Variants in ZNF92 observed in about 807,000 individuals in gnomAD.
The protein encoded by ZNF92 is epididymis luminal protein 203.
ZNF92 carries 11 observed loss-of-function variants against 12.4 expected under a neutral mutation model. That is an observed-to-expected ratio of 0.89 (90% CI 0.56 to 1.47). ZNF92 has a LOEUF of 1.47. Among genes scored for constraint, ZNF92 ranks in the 40% most tolerant of loss-of-function variants. ZNF92 has a pLI of 0.00. For missense variants in ZNF92, 622 were observed against 681.0 expected, an observed-to-expected ratio of 0.91 and a Z score of 0.96; for synonymous variants, 206 against 228.6, an observed-to-expected ratio of 0.90 and a Z score of 0.89.
In ZNF92 at chr7:65,399,418, G is replaced by C; in HGVS notation, c.1304G>C (p.Ser435Thr). ...TGTGAAAAATGTGGCAAGGCCTTTAGCTGGTCCTCAGCTTTTACTAAACAT... is the reference window on the plus strand; with the variant it reads ...TGTGAAAAATGTGGCAAGGCCTTTACCTGGTCCTCAGCTTTTACTAAACAT... ...YKCEKCGKAF[S>T]WSSAFTKHKR... The change falls in exon 4 of 4, where the codon AGC becomes ACC. Residue 435 changes from serine (S) to threonine (T), a missense_variant. By Grantham distance (58) the Ser-to-Thr change is moderately conservative (BLOSUM62 1). Coordinates refer to ENST00000328747, the MANE Select transcript of ZNF92 (RefSeq NM_152626.4). The C allele has an allele frequency of 6.2e-7, 1 of 1,606,864 alleles. No individual in the cohort carries two copies. Among genetic ancestry groups the C allele is most frequent in the Non-Finnish European group, 8.5e-7 (1 of 1,177,866 alleles).
At chr7:65,388,078 C>A (rs752025118) in intron 2 of ZNF92, 50 bp downstream of exon 2, 1 of 1,535,238 alleles carries the variant, frequency 6.5e-7, no homozygotes, top group South Asian at 1.2e-5. Context: ...AGTTTCATTT[C>A]TCCTCTTTGT....
chr7:65,398,558 TA>T lies in ZNF92; in HGVS notation c.447del (p.Lys149AsnfsTer3). On this transcript the variant is annotated frameshift_variant, in exon 4 of 4. Transcript: ENST00000328747. LOFTEE classifies it low-confidence loss of function (END_TRUNC). ...CTGACAGCAAGATATTTCAGTGTGA[TA>T]AATATGTGAAAGTCTTTCATAAATT... ...TTDSKIFQCD[K>X]YVKVFHKFPN... The T allele has an allele frequency of 6.2e-7, 1 of 1,609,620 alleles. No homozygotes were observed. Among genetic ancestry groups the T allele is most frequent in the Non-Finnish European group, 8.5e-7 (1 of 1,178,526 alleles).
chr7:65,375,926 G>A (rs1371087343), intron 1 of ZNF92, among the ~76,000 whole-genome samples: 2 of 152,030 alleles, frequency 1.3e-5, no homozygotes, highest in African/African-American at 2.4e-5. Context: ...TCTTCTGAGA[G>A]GGTGGTTATT....
In ZNF92 at chr7:65,399,702, A is replaced by G. The variant is rs1277525847; in HGVS notation, c.1588A>G (p.Ile530Val). 1.9e-6 allele frequency: 3 copies of G among 1,613,320 alleles called. No individual in the cohort carries two copies. Among genetic ancestry groups the G allele is most frequent in the East Asian group, 2.2e-5 (1 of 44,840 alleles). ...QSSNLTARKI[I>V]YTGEKPYKYE... ...CTCAAACCTTACTGCACGTAAGATAATTTATACTGGAGAGAAACCCTACAA... is the reference window on the plus strand; with the variant it reads ...CTCAAACCTTACTGCACGTAAGATAGTTTATACTGGAGAGAAACCCTACAA... The change falls in exon 4 of 4, where the codon ATT becomes GTT. Residue 530 changes from isoleucine (I) to valine (V), a missense_variant. Transcript: ENST00000328747.
In ZNF92 at chr7:65,388,023, T is replaced by G; in HGVS notation, c.125T>G (p.Phe42Cys). 1 of 1,604,656 alleles carries G rather than the reference T, an allele frequency of 6.2e-7. No homozygotes were observed. The highest frequency in any genetic ancestry group is 8.5e-7 in the Non-Finnish European group (1 of 1,175,590). ...TTAGAGAACTACAGAAACCTGGTCT[T>G]CCTTGGTGAGGATAACTTCAATACA... The part of the protein sequence containing the change: ...VMLENYRNLV[F>C]LGIAVSKPDL... The change falls in exon 2 of 4, where the codon TTC (phenylalanine) becomes TGC (cysteine). Residue 42 changes from phenylalanine (F) to cysteine (C), a missense_variant. Phe to Cys is a radical substitution (Grantham distance 205, BLOSUM62 -2). Coordinates refer to ENST00000328747, the MANE Select transcript of ZNF92 (RefSeq NM_152626.4).
At position 65,399,595 on chromosome 7, in the gene ZNF92, C is replaced by T. The variant is rs1482522578; in HGVS notation, c.1481C>T (p.Ser494Leu). Residue 494 changes from serine (S) to leucine (L), a missense_variant, in exon 4 of 4, where the codon TCA becomes TTA. Coordinates refer to ENST00000328747, the MANE Select transcript of ZNF92 (RefSeq NM_152626.4). ...TGTGGCAAAGCCTTTAACCAGTCCT[C>T]AATTTTTACTAAACATAAGATAATT... is the stretch of plus-strand genomic sequence containing the variant. ...EECGKAFNQS[S>L]IFTKHKIIHT... 6.2e-7 allele frequency: 1 copy of T among 1,613,724 alleles called. No homozygotes were observed. The highest frequency in any genetic ancestry group is 8.5e-7 in the Non-Finnish European group (1 of 1,179,816).
chr7:65,379,886 G>A (rs1793357583), intron 1 of ZNF92, among the ~76,000 whole-genome samples: 1 of 152,004 alleles, frequency 6.6e-6, no homozygotes, highest in Admixed American at 6.6e-5. Flanking sequence ...TTTGTTTTTG[G>A]TTCGGGAGTA....
At chr7:65,377,845 G>T (rs759502936) in intron 1 of ZNF92, among the ~76,000 whole-genome samples, 1 of 152,122 alleles carries the variant, frequency 6.6e-6, no homozygotes, top group African/African-American at 2.4e-5. Flanking sequence ...GATTACAGGC[G>T]TGAGCCACTG....
At chr7:65,375,060 G>C (rs527948123) in intron 1 of ZNF92, among the ~76,000 whole-genome samples, 1 of 152,170 alleles carries the variant, frequency 6.6e-6, no homozygotes, top group South Asian at 2.1e-4. Context: ...TAAAAGATTT[G>C]TTTCCTGTTT....
At chr7:65,381,089 C>T (rs1263068903) in intron 1 of ZNF92, among the ~76,000 whole-genome samples, 6 of 152,050 alleles carry the variant, frequency 3.9e-5, no homozygotes, top group Non-Finnish European at 8.8e-5. Context: ...TCTCGGCTCA[C>T]TGCAACCTCC....
At chr7:65,383,695 A>G (rs1310576927) in intron 1 of ZNF92, among the ~76,000 whole-genome samples, 3 of 152,140 alleles carry the variant, frequency 2.0e-5, no homozygotes, top group Non-Finnish European at 4.4e-5. Context: ...AAAAAATGTG[A>G]TACTGGAGTA....
chr7:65,399,145 A>T lies in ZNF92; in HGVS notation c.1031A>T (p.Glu344Val). ...ACTGGGGAAAAACCATACAAATGTG[A>T]AGAATGTGGCAAAGCCTTTAACCAG... ...IHTGEKPYKC[E>V]ECGKAFNQFS... Residue 344 changes from glutamate to valine, a missense_variant, in exon 4 of 4, where the codon GAA becomes GTA. Transcript: ENST00000328747. 1 of 1,613,604 alleles carries T rather than the reference A, an allele frequency of 6.2e-7. No individual in the cohort carries two copies. The highest frequency in any genetic ancestry group is 8.5e-7 in the Non-Finnish European group (1 of 1,179,804).
rs776685581 is a variant in ZNF92, at chr7:65,388,046, A to G, written c.130+18A>G. 4.4e-6 allele frequency: 7 copies of G among 1,577,610 alleles called. No individual in the cohort carries two copies. The highest frequency in any genetic ancestry group is 6.0e-6 in the Non-Finnish European group (7 of 1,166,532). ...CTTCCTTGGTGAGGATAACTTCAAT[A>G]CACAATACACAATGCTCTAAAAGTT... On this transcript the variant is annotated intron_variant, in intron 2 of 3. Transcript: ENST00000328747.
At chr7:65,383,407 CAG>C (rs1316587232) in intron 1 of ZNF92, among the ~76,000 whole-genome samples, 1 of 152,132 alleles carries the variant, frequency 6.6e-6, no homozygotes, top group Non-Finnish European at 1.5e-5. Context: ...ATTTGCAAGA[CAG>C]GAGCAGACTT....
chr7:65,389,602 T>A (rs1436931160), intron 3 of ZNF92, among the ~76,000 whole-genome samples: 1 of 151,936 alleles, frequency 6.6e-6, no homozygotes, highest in African/African-American at 2.4e-5. Flanking sequence ...CAGCAACCTC[T>A]GCCTCCTGGG....
chr7:65,390,795 T>A lies in ZNF92; in HGVS notation c.226+1894T>A, dbSNP rs76069955. 6.4e-3 allele frequency among the ~76,000 whole-genome samples: 976 copies of A among 152,192 alleles called. 19 individuals are homozygous for A. Among genetic ancestry groups the A allele is most frequent in the African/African-American group, 0.022 (929 of 41,516 alleles). On this transcript the variant is annotated intron_variant, in intron 3 of 3. Transcript: ENST00000328747. ...TGTGGCTCAGAGAGTTGGAACTGAG[T>A]CATTAAACTGCTTCAGAGACCACAG...
chr7:65,388,135 C>G, intron 2 of ZNF92, 107 bp downstream of exon 2: 1 of 1,266,502 alleles, frequency 7.9e-7, no homozygotes, highest in Non-Finnish European at 1.1e-6. Flanking sequence ...AGTTTCAGAT[C>G]CCAGTTTTCA....
rs1258356148 is a variant in ZNF92, at chr7:65,399,256, C to A, written c.1142C>A (p.Ser381Tyr). 6.2e-7 allele frequency: 1 copy of A among 1,610,856 alleles called. No individual in the cohort carries two copies. The highest frequency in any genetic ancestry group is 8.5e-7 in the Non-Finnish European group (1 of 1,178,898). The change falls in exon 4 of 4, where the codon TCC becomes TAC. Residue 381 changes from serine (S) to tyrosine (Y), a missense_variant. Physicochemically the swap from Ser to Tyr is moderately radical, Grantham distance 144. Transcript: ENST00000328747. ...CDECGKAFNQSSTLTKHKRIH... is the reference protein window; with the variant it reads ...CDECGKAFNQYSTLTKHKRIH... ...GAATGTGGCAAAGCCTTTAACCAGT[C>A]CTCAACCCTTACTAAACATAAAAGA...
At chr7:65,392,538 ATT>A (rs35255435) in intron 3 of ZNF92, among the ~76,000 whole-genome samples, 5 of 141,476 alleles carry the variant, frequency 3.5e-5, no homozygotes, top group Non-Finnish European at 1.5e-5. Flanking sequence ...TTGAGCCCAC[ATT>A]TTTTTTTTTT....
Sources: gnomAD v4.1 joint callset for allele counts (sites outside exome capture counted in the v4.1 genomes callset) on GRCh38, gnomAD v4.1.1 for gene constraint, MANE v1.5 for transcripts, NCBI Gene and HGNC (gene_info 2026-07-23, HGNC 2026-07-21) for gene names.